TBXAS1: variants seen among roughly 807,000 people sequenced by gnomAD.
TBXAS1 encodes the protein thromboxane A synthase 1.
A neutral mutation model predicts 60.7 loss-of-function variants in TBXAS1; 48 were observed. The observed-to-expected ratio is 0.79, with a 90% CI of 0.63 to 1.01. The LOEUF (loss-of-function observed/expected upper bound fraction) is 1.01. TBXAS1 is among the 50% of genes least tolerant of loss of function. The pLI, the probability that TBXAS1 is intolerant of heterozygous loss-of-function variation, is 0.00. For synonymous variants in TBXAS1, 287 were observed against 269.7 expected (o/e 1.06, Z -0.63); for missense variants, 685 against 686.3 (o/e 1.00, Z 0.02).
At chr7:139,964,952 T>C (rs944035638) in intron 9 of TBXAS1, among the ~76,000 whole-genome samples, 5 of 152,178 alleles carry the variant, frequency 3.3e-5, no homozygotes, top group Middle Eastern at 3.2e-3. Flanking sequence ...CAGTGGCTCA[T>C]GCCAGTGGCT....
chr7:139,780,616 G>T (rs1410506672), intron 1 of TBXAS1: 2 of 154,344 alleles, frequency 1.3e-5, no homozygotes, highest in Non-Finnish European at 2.9e-5. Flanking sequence ...TCTGAGGCTG[G>T]GTTAGATTAG....
chr7:139,833,509 C>CAAAAAAAAAAAA (rs56291914), intron 1 of TBXAS1, among the ~76,000 whole-genome samples: 1 of 74,412 alleles, frequency 1.3e-5, no homozygotes, highest in Admixed American at 1.8e-4. Context: ...ACTAAAAATA[C>CAAAAAAAAAAAA]AAAAAAAAAA....
chr7:139,819,501 T>C (rs1372467385), intron 4 of TBXAS1, among the ~76,000 whole-genome samples: 1 of 152,132 alleles, frequency 6.6e-6, no homozygotes, highest in East Asian at 1.9e-4. Context: ...TCTCTTCTTT[T>C]GTTTGTTTGT....
chr7:139,981,276 C>G (rs751551368), intron 9 of TBXAS1, among the ~76,000 whole-genome samples: 1 of 152,094 alleles, frequency 6.6e-6, no homozygotes, highest in Non-Finnish European at 1.5e-5. Flanking sequence ...GCCCCATGCC[C>G]GGCTAATTTT....
chr7:139,987,725 C>T lies in TBXAS1; in HGVS notation c.1135-19366C>T, dbSNP rs372246348. ...CTACTCATCAGAGAGGAAGCTAATT[C>T]GCAGGGATATGAAGAGCTTTCTAAA... On this transcript the variant is annotated intron_variant, in intron 9 of 12. Transcript: ENST00000448866. Among the ~76,000 whole-genome samples, 8 of 152,206 alleles carry T rather than the reference C, an allele frequency of 5.3e-5. No individual in the cohort carries two copies. The East Asian group carries it at 1.2e-3, about 22-fold the overall frequency.
At chr7:139,905,763 A>T (rs537462011) in intron 3 of TBXAS1, among the ~76,000 whole-genome samples, 99 of 152,262 alleles carry the variant, frequency 6.5e-4, no homozygotes, top group Admixed American at 2.5e-3. Flanking sequence ...TCAGGTAGGT[A>T]GTTTGCAAAT....
At chr7:139,780,417 G>A (rs1796945053) in intron 1 of TBXAS1, among the ~76,000 whole-genome samples, 2 of 152,248 alleles carry the variant, frequency 1.3e-5, no homozygotes, top group South Asian at 4.1e-4. Flanking sequence ...TGTAAGCTCA[G>A]TAAGGACAGA....
intron 3 of TBXAS1, among the ~76,000 whole-genome samples, chr7:139,902,040 G>C (rs1804619288): frequency 6.7e-6 from 1 of 149,180 alleles, no homozygotes; most frequent in Non-Finnish European, 1.5e-5. Flanking sequence ...GTAACCTCTT[G>C]CGTGACTATA....
intron 5 of TBXAS1, among the ~76,000 whole-genome samples, chr7:139,952,003 A>G (rs1809438630): frequency 1.3e-5 from 2 of 149,690 alleles, no homozygotes; most frequent in African/African-American, 4.9e-5. Flanking sequence ...AGAAAGAAAG[A>G]AAGAAAGAAA....
At chr7:139,897,500 T>C (rs917054950) in intron 3 of TBXAS1, among the ~76,000 whole-genome samples, 1 of 152,076 alleles carries the variant, frequency 6.6e-6, no homozygotes, top group African/African-American at 2.4e-5. Flanking sequence ...AGATTTGCAC[T>C]TTACCAAGTC....
Position 140,013,957 on chromosome 7 carries a change from G to C in TBXAS1, c.1227-1766G>C, listed in dbSNP as rs1436930268. Among the ~76,000 whole-genome samples, 1 of 152,168 alleles carries C rather than the reference G, an allele frequency of 6.6e-6. No individual in the cohort carries two copies. Among genetic ancestry groups the C allele is most frequent in the Non-Finnish European group, 1.5e-5 (1 of 68,026 alleles). On this transcript the variant is annotated intron_variant, in intron 10 of 12. Coordinates refer to ENST00000448866, the MANE Select transcript of TBXAS1 (RefSeq NM_001061.7). The surrounding 1 kb of genome is among the most constrained non-coding windows in gnomAD (Gnocchi z 4.2). ...TCACCCACTGATTGCCCTTGACTTTGAGCTACAGGTTTCACCAGCTAACTG... is the reference window on the plus strand; with the variant it reads ...TCACCCACTGATTGCCCTTGACTTTCAGCTACAGGTTTCACCAGCTAACTG...
chr7:139,951,994 GAAAGAAAGAAAGAAAGAAAA>G (rs1569518446), intron 5 of TBXAS1, among the ~76,000 whole-genome samples: 4 of 148,916 alleles, frequency 2.7e-5, no homozygotes, highest in African/African-American at 4.9e-5. Context: ...AAGAAAGAAA[GAAAGAAAGAAAGAAAGAAAA>G]AGAAAGGAAG....
At chr7:139,983,372 C>T (rs1050231384) in intron 9 of TBXAS1, among the ~76,000 whole-genome samples, 1 of 152,206 alleles carries the variant, frequency 6.6e-6, no homozygotes, top group African/African-American at 2.4e-5. Context: ...TTTGTTCTCC[C>T]TAATCTATGA....
chr7:139,901,785 C>T (rs1804598911), intron 3 of TBXAS1, among the ~76,000 whole-genome samples: 1 of 151,998 alleles, frequency 6.6e-6, no homozygotes, highest in East Asian at 1.9e-4. Context: ...GACAGCATTT[C>T]TCAGAGTATG....
Position 139,992,221 on chromosome 7 carries a change from G to A in TBXAS1, c.1135-14870G>A, listed in dbSNP as rs76982331. Among the ~76,000 whole-genome samples, 91 of 152,316 alleles carry A rather than the reference G, an allele frequency of 6.0e-4. 1 individual carries two copies. In the East Asian group the frequency reaches 0.012, roughly 20 times the overall value. ...GGGTGAGGCATGGACCAGCATCTCC[G>A]CTGCTTTGAGCAATCATGAAAACTC... On this transcript the variant is annotated intron_variant, in intron 9 of 12. Coordinates refer to ENST00000448866, the MANE Select transcript of TBXAS1 (RefSeq NM_001061.7).
rs548433962 is a variant in TBXAS1, at chr7:139,809,796, G to A, written c.-79-19516G>A. Among the ~76,000 whole-genome samples the A allele has an allele frequency of 6.3e-4, 96 of 152,214 alleles. 1 individual carries two copies. Among genetic ancestry groups the A allele is most frequent in the African/African-American group, 2.0e-3 (85 of 41,510 alleles). On this transcript the variant is annotated intron_variant, in intron 4 of 16. Transcript: ENST00000336425. ...GTCCAAAGCTGAATGGGTGGTGCCC[G>A]TCCATGTTGAGGGTGAATCTTCTCC...
At chr7:139,989,918 A>G (rs1812766959) in intron 9 of TBXAS1, among the ~76,000 whole-genome samples, 1 of 152,030 alleles carries the variant, frequency 6.6e-6, no homozygotes, top group South Asian at 2.1e-4. Context: ...TTTGCTCATC[A>G]TTGTCATGGG....
intron 4 of TBXAS1, chr7:139,913,238 C>G: frequency 1.5e-6 from 1 of 672,004 alleles, no homozygotes; most frequent in Non-Finnish European, 2.8e-6. Flanking sequence ...GCATTGCTAT[C>G]TCCTCGCTCA....
At chr7:139,969,084 G>T (rs1472738193) in intron 9 of TBXAS1, among the ~76,000 whole-genome samples, 1 of 152,108 alleles carries the variant, frequency 6.6e-6, no homozygotes, top group Non-Finnish European at 1.5e-5. Flanking sequence ...GCTGGACTCT[G>T]CCAGCCAAAA....
Sources: allele counts gnomAD v4.1 joint callset (sites outside exome capture counted in the v4.1 genomes callset), GRCh38; gene constraint gnomAD v4.1.1; non-coding constraint Gnocchi (gnomAD v3.1); transcripts MANE v1.5; gene names NCBI Gene and HGNC (gene_info 2026-07-23, HGNC 2026-07-21).